KDM6A: variants seen among roughly 807,000 people sequenced by gnomAD.
The protein encoded by KDM6A is lysine-specific demethylase 6A.
A neutral mutation model predicts 117.6 loss-of-function variants in KDM6A; 11 were observed. The ratio of observed to expected loss-of-function variants is 0.09; its 90% confidence interval spans 0.06 to 0.15. The LOEUF (loss-of-function observed/expected upper bound fraction) is 0.15. Among genes scored for constraint, KDM6A ranks in the 10% least tolerant of loss-of-function variants. KDM6A has a pLI of 1.00. For missense variants in KDM6A, 799 were observed against 1,077.3 expected (o/e 0.74, Z 3.62); for synonymous variants, 384 against 396.1 (o/e 0.97, Z 0.36).
chrX:45,038,180 G>A (rs1306176401), intron 8 of KDM6A, among the ~76,000 whole-genome samples: 4 of 111,123 alleles, frequency 3.6e-5, no homozygotes, highest in East Asian at 2.8e-4. Flanking sequence ...CTGAGATCTC[G>A]CCACTGCACT....
At chrX:44,904,984 A>T (rs1470484610) in intron 2 of KDM6A, among the ~76,000 whole-genome samples, 1 of 112,240 alleles carries the variant, frequency 8.9e-6, no homozygotes, top group Non-Finnish European at 1.9e-5. Flanking sequence ...GAATTGTTAG[A>T]GGTTCTTAAG....
intron 2 of KDM6A, among the ~76,000 whole-genome samples, chrX:44,925,549 G>T (rs1402980373): frequency 8.9e-6 from 1 of 111,957 alleles, no homozygotes; most frequent in Non-Finnish European, 1.9e-5. Context: ...ATCTGCTTAT[G>T]CAGAGTACTT....
At chrX:44,896,366 C>G (rs1032778181) in intron 2 of KDM6A, among the ~76,000 whole-genome samples, 5 of 111,046 alleles carry the variant, frequency 4.5e-5, no homozygotes, top group Non-Finnish European at 1.9e-5. Context: ...CGTGAGTCAC[C>G]GCGCCCGGCC....
chrX:44,994,104 G>T (rs1489187345), intron 4 of KDM6A, among the ~76,000 whole-genome samples: 1 of 111,351 alleles, frequency 9.0e-6, no homozygotes, highest in Non-Finnish European at 1.9e-5. Flanking sequence ...GTTTTTCTTG[G>T]TGAATATTTG....
intron 2 of KDM6A, among the ~76,000 whole-genome samples, chrX:44,945,977 G>A (rs1334842472): frequency 4.5e-5 from 5 of 112,145 alleles, no homozygotes; most frequent in Admixed American, 2.8e-4. Flanking sequence ...AAACAGACAC[G>A]GGCCCTTATG....
chrX:44,881,620 T>A (rs2032300542), intron 2 of KDM6A, among the ~76,000 whole-genome samples: 1 of 111,031 alleles, frequency 9.0e-6, no homozygotes, highest in Non-Finnish European at 1.9e-5. Flanking sequence ...TTATTAAAAC[T>A]GTTGGTGGTG....
At chrX:45,039,503 AT>A (rs756202597) in intron 8 of KDM6A, among the ~76,000 whole-genome samples, 696 of 61,226 alleles carry the variant, frequency 0.011, 7 homozygotes, top group South Asian at 0.044. Context: ...TCATTTGATA[AT>A]TTTTTTTTTT....
At chrX:45,076,676 T>TC (rs755584695) in intron 18 of KDM6A, 21 bp from the exon 19 acceptor site, 2 of 998,207 alleles carry the variant, frequency 2.0e-6, no homozygotes. Context: ...CAACTGATTA[T>TC]CCCTTTTTTT....
At chrX:44,916,730 C>T (rs906013165) in intron 2 of KDM6A, among the ~76,000 whole-genome samples, 3 of 110,235 alleles carry the variant, frequency 2.7e-5, no homozygotes, top group Admixed American at 9.7e-5. Context: ...ACTGCAGGCT[C>T]GACCTCCTAG....
chrX:45,077,541 C>T (rs1433399343), intron 19 of KDM6A, among the ~76,000 whole-genome samples: 1 of 110,288 alleles, frequency 9.1e-6, no homozygotes, highest in African/African-American at 3.3e-5. Flanking sequence ...CCCCCTTGCC[C>T]TCTAGAGGCC....
intron 2 of KDM6A, among the ~76,000 whole-genome samples, chrX:44,929,960 G>A (rs967245609): frequency 1.8e-5 from 2 of 111,046 alleles, no homozygotes; most frequent in Non-Finnish European, 3.8e-5. Context: ...GTATCGATTA[G>A]TTATTTTTTC....
At chrX:45,061,570 C>A (rs1310166788) in intron 15 of KDM6A, 151 bp downstream of exon 15, 1 of 337,024 alleles carries the variant, frequency 3.0e-6, no homozygotes. Context: ...TGGCTCACTG[C>A]AACCTCCGCG....
chrX:45,006,370 G>A (rs944185590), intron 4 of KDM6A, among the ~76,000 whole-genome samples: 16 of 109,709 alleles, frequency 1.5e-4, no homozygotes, highest in African/African-American at 4.7e-4. Context: ...AATAGCACTC[G>A]AATATAAAAT....
chrX:44,968,041 T>A (rs2039123889), intron 3 of KDM6A, among the ~76,000 whole-genome samples: 2 of 112,429 alleles, frequency 1.8e-5, no homozygotes, highest in Admixed American at 9.4e-5. Flanking sequence ...GTTTCCTTTA[T>A]GTTCAACAGC....
At chrX:45,090,700 A>T (rs750651870) in intron 26 of KDM6A, 23 bp from the exon 27 acceptor site, 13 of 1,204,182 alleles carry the variant, frequency 1.1e-5, no homozygotes, top group Non-Finnish European at 1.5e-5. Context: ...GGGTTGCTTT[A>T]TAACTGTTTT....
At chrX:45,061,587 G>A (rs750573283) in intron 15 of KDM6A, among the ~76,000 whole-genome samples, 168 bp downstream of exon 15, 1 of 100,694 alleles carries the variant, frequency 9.9e-6, no homozygotes, top group Non-Finnish European at 2.0e-5. Flanking sequence ...CGCGTCCTGT[G>A]TTAAAGTTAT....
intron 2 of KDM6A, among the ~76,000 whole-genome samples, chrX:44,911,322 C>T (rs1310277587): frequency 5.5e-4 from 56 of 101,358 alleles, no homozygotes; most frequent in African/African-American, 1.8e-3. Flanking sequence ...GGGCGGCTGC[C>T]GGGCGGAGGG....
intron 3 of KDM6A, among the ~76,000 whole-genome samples, chrX:44,963,440 A>AGTGTGTGTGT (rs747821170): frequency 0.013 from 923 of 69,821 alleles, 11 homozygotes; most frequent in Middle Eastern, 0.024. Context: ...AGGGTGACAG[A>AGTGTGTGTGT]GTGTGTGTGT....
chrX:44,992,466 TGCCCACCTTG>T (rs2040661805), intron 4 of KDM6A, among the ~76,000 whole-genome samples: 1 of 109,563 alleles, frequency 9.1e-6, no homozygotes, highest in Non-Finnish European at 1.9e-5. Flanking sequence ...TCACGTGATC[TGCCCACCTTG>T]GCCCCCAAAG....
Sources: gnomAD v4.1 joint callset for allele counts (sites outside exome capture counted in the v4.1 genomes callset) on GRCh38, gnomAD v4.1.1 for gene constraint, MANE v1.5 for transcripts, NCBI Gene and HGNC (gene_info 2026-07-23, HGNC 2026-07-21) for gene names.